KAZN: variants seen among roughly 807,000 people sequenced by gnomAD.
KAZN encodes kazrin, periplakin interacting protein, also known as kazrin.
A neutral mutation model predicts 87.4 loss-of-function variants in KAZN; 40 were observed. The observed-to-expected ratio is 0.46, with a 90% confidence interval of 0.36 to 0.60. The LOEUF is 0.60. KAZN is among the 20% of genes least tolerant of loss of function. The pLI, the probability that KAZN is intolerant of heterozygous loss-of-function variation, is 0.00. For missense variants in KAZN, 898 were observed against 1,073.9 expected (o/e 0.84, Z 2.29); for synonymous variants, 466 against 458.3 (o/e 1.02, Z -0.22).
At chr1:13,969,127 CA>C (rs1412753857) in intron 1 of KAZN, among the ~76,000 whole-genome samples, 1 of 152,066 alleles carries the variant, frequency 6.6e-6, no homozygotes, top group East Asian at 1.9e-4. Flanking sequence ...TGGCAGTAAA[CA>C]AAAAACAAGT....
chr1:14,137,329 G>T (rs958049028), intron 1 of KAZN, among the ~76,000 whole-genome samples: 1 of 152,146 alleles, frequency 6.6e-6, no homozygotes, highest in South Asian at 2.1e-4. Context: ...TCCCAGGTGC[G>T]TGGGTCAGGT....
At chr1:13,915,475 GC>G (rs935093217) in intron 1 of KAZN, among the ~76,000 whole-genome samples, 5 of 152,164 alleles carry the variant, frequency 3.3e-5, no homozygotes, top group Admixed American at 6.5e-5. Flanking sequence ...GCACTTTGGG[GC>G]CCATGAACGT....
chr1:14,500,139 C>G (rs1024729889), intron 2 of KAZN, among the ~76,000 whole-genome samples: 4 of 152,056 alleles, frequency 2.6e-5, no homozygotes, highest in African/African-American at 9.7e-5. Context: ...ACCCAGGGCC[C>G]CCAAGTCATG....
chr1:14,906,226 A>T (rs1656571999), intron 1 of KAZN, among the ~76,000 whole-genome samples: 2 of 151,612 alleles, frequency 1.3e-5, no homozygotes, highest in African/African-American at 4.9e-5. Context: ...AATACAGCAC[A>T]TGGATCCAGC....
chr1:15,014,178 T>C (rs1424337654), intron 2 of KAZN, among the ~76,000 whole-genome samples: 2 of 152,034 alleles, frequency 1.3e-5, no homozygotes, highest in Non-Finnish European at 2.9e-5. Context: ...TCTACCCAGG[T>C]ACCCCCAGAG....
At chr1:14,338,489 A>G (rs1234575124) in intron 2 of KAZN, among the ~76,000 whole-genome samples, 14 of 89,344 alleles carry the variant, frequency 1.6e-4, no homozygotes, top group East Asian at 1.1e-3. Context: ...CATCTTAGAG[A>G]AAAAAAAAAA....
chr1:14,129,989 C>T (rs560046607), intron 1 of KAZN, among the ~76,000 whole-genome samples: 3 of 152,302 alleles, frequency 2.0e-5, no homozygotes, highest in South Asian at 4.1e-4. Flanking sequence ...ATATAGCCAG[C>T]AACCTGCATA....
chr1:14,397,886 AGAAG>A (rs1663037361), intron 2 of KAZN, among the ~76,000 whole-genome samples: 1 of 150,034 alleles, frequency 6.7e-6, no homozygotes, highest in South Asian at 2.1e-4. Flanking sequence ...AAAAAAAGGC[AGAAG>A]GAAGGATGTG....
intron 1 of KAZN, among the ~76,000 whole-genome samples, chr1:13,954,039 C>T (rs1198814003): frequency 3.9e-5 from 6 of 152,106 alleles, no homozygotes; most frequent in African/African-American, 9.7e-5. Flanking sequence ...TTTTTCCATT[C>T]GGCCCCATGC....
chr1:14,108,040 A>G (rs985509079), intron 1 of KAZN, among the ~76,000 whole-genome samples: 2 of 151,908 alleles, frequency 1.3e-5, no homozygotes, highest in African/African-American at 4.8e-5. Flanking sequence ...ACAACTTCCA[A>G]TTTACCCTCC....
At chr1:13,966,509 C>T (rs1371164095) in intron 1 of KAZN, among the ~76,000 whole-genome samples, 1 of 152,172 alleles carries the variant, frequency 6.6e-6, no homozygotes, top group Admixed American at 6.5e-5. Context: ...GACAGGGTCA[C>T]TGACAAGGAA....
rs1396380711 is a variant in KAZN at position 15,070,180 on chromosome 1, A to AG, written c.1222+4433dup. ...CCGCCAAGCAGCTGGGCCTTCTCCC[A>AG]GGGGGGCATCTTCAGTGCATCATCT... On this transcript the variant is annotated intron_variant, in intron 8 of 14. Coordinates refer to ENST00000376030, the MANE Select transcript of KAZN (RefSeq NM_201628.3). Among the ~76,000 whole-genome samples the AG allele has an allele frequency of 7.9e-5, 12 of 152,320 alleles. No homozygotes were observed. In the East Asian group the frequency reaches 1.9e-3, roughly 25 times the overall value.
At chr1:14,246,379 C>A (rs1211920967) in intron 2 of KAZN, among the ~76,000 whole-genome samples, 1 of 152,112 alleles carries the variant, frequency 6.6e-6, no homozygotes, top group Admixed American at 6.5e-5. Flanking sequence ...CATTTCATAG[C>A]TTTACCCATA....
intron 1 of KAZN, among the ~76,000 whole-genome samples, chr1:14,786,809 T>G (rs1645522582): frequency 6.6e-6 from 1 of 152,230 alleles, no homozygotes; most frequent in Non-Finnish European, 1.5e-5. Flanking sequence ...GATGTGGTGC[T>G]GACATCTCAT....
At chr1:13,974,082 G>A (rs1484857775) in intron 1 of KAZN, among the ~76,000 whole-genome samples, 1 of 152,258 alleles carries the variant, frequency 6.6e-6, no homozygotes, top group African/African-American at 2.4e-5. Context: ...CATGGGATGT[G>A]TGTCAATCCT....
chr1:15,093,808 C>A (rs1296862008), intron 8 of KAZN, among the ~76,000 whole-genome samples: 1 of 152,132 alleles, frequency 6.6e-6, no homozygotes, highest in Non-Finnish European at 1.5e-5. Flanking sequence ...AGGTGTGTAG[C>A]AGTTCATCTT....
intron 1 of KAZN, among the ~76,000 whole-genome samples, chr1:14,833,775 C>T (rs1439832379): frequency 6.6e-6 from 1 of 152,094 alleles, no homozygotes; most frequent in Non-Finnish European, 1.5e-5. Flanking sequence ...TGCTAATAGA[C>T]CCTGGAGCCA....
chr1:14,075,184 C>A (rs12136579), intron 1 of KAZN, among the ~76,000 whole-genome samples: 23,054 of 152,144 alleles, frequency 0.15, 2,371 homozygotes, highest in Middle Eastern at 0.29. Flanking sequence ...TTTAGTGTAA[C>A]ATTTACCCAT....
At chr1:14,679,898 G>A (rs1004030733) in intron 1 of KAZN, among the ~76,000 whole-genome samples, 7 of 152,100 alleles carry the variant, frequency 4.6e-5, no homozygotes, top group Non-Finnish European at 1.0e-4. Context: ...GTGATTTGTG[G>A]CTAAGGCTCA....
Sources: gnomAD v4.1 joint callset for allele counts (sites outside exome capture counted in the v4.1 genomes callset) on GRCh38, gnomAD v4.1.1 for gene constraint, MANE v1.5 for transcripts, NCBI Gene and HGNC (gene_info 2026-07-23, HGNC 2026-07-21) for gene names.